The following CDHR3 variants were observed in gnomAD, a reference collection of about 807,000 sequenced individuals.
The protein encoded by CDHR3 is cadherin related family member 3, also known as cadherin-related family member 3.
A neutral mutation model predicts 86.6 loss-of-function variants in CDHR3; 79 were observed. The observed-to-expected ratio is 0.91, with a 90% CI of 0.76 to 1.10. The LOEUF (loss-of-function observed/expected upper bound fraction) is 1.10. Ranked by LOEUF, CDHR3 falls within the 50% of genes least tolerant of loss-of-function variation. CDHR3 has a pLI of 0.00. For missense variants in CDHR3, 1,081 were observed against 1,077.6 expected, an observed-to-expected ratio of 1.00 and a Z score of -0.04; for synonymous variants, 421 against 402.4, an observed-to-expected ratio of 1.05 and a Z score of -0.55.
chr7:106,027,805 A>C, intron 16 of CDHR3: 1 of 342,118 alleles, frequency 2.9e-6, no homozygotes, highest in Non-Finnish European at 5.9e-6. Context: ...AGATTTTCAC[A>C]AACTGTCTCT....
chr7:105,970,077 A>G (rs1031499450), intron 1 of CDHR3, among the ~76,000 whole-genome samples: 3 of 152,118 alleles, frequency 2.0e-5, no homozygotes, highest in African/African-American at 7.2e-5. Context: ...ATTAGGTACT[A>G]GAGAGAATGA....
chr7:106,020,626 C>T (rs1005766821), intron 13 of CDHR3, 82 bp downstream of exon 13: 10 of 1,454,518 alleles, frequency 6.9e-6, no homozygotes, highest in Non-Finnish European at 9.3e-6. Context: ...TGCTCACACA[C>T]TGATCTGGGC....
chr7:105,969,440 G>T (rs1238428560), intron 1 of CDHR3, among the ~76,000 whole-genome samples: 1 of 151,950 alleles, frequency 6.6e-6, no homozygotes, highest in African/African-American at 2.4e-5. Context: ...TGTAACCGTG[G>T]GTCCTAGGAG....
chr7:106,005,888 C>G (rs1833880085), intron 8 of CDHR3, among the ~76,000 whole-genome samples: 2 of 152,158 alleles, frequency 1.3e-5, no homozygotes, highest in South Asian at 2.1e-4. Context: ...CAGTCTCCAC[C>G]CTGCTCTGTG....
At chr7:105,981,540 T>A (rs1016956970) in intron 3 of CDHR3, among the ~76,000 whole-genome samples, 1 of 152,174 alleles carries the variant, frequency 6.6e-6, no homozygotes, top group African/African-American at 2.4e-5. Flanking sequence ...ATAGGGACAA[T>A]GTAAGGGACC....
In CDHR3 at chr7:106,030,872, CT is replaced by C; in HGVS notation, c.2353+37del. ...AAGTGGCAATACCACTGTAAGAATG[CT>C]TTTTATATTCCAGACTGGTAGAAGC... On this transcript the variant is annotated intron_variant, in intron 18 of 18. Coordinates refer to ENST00000317716, the MANE Select transcript of CDHR3 (RefSeq NM_152750.5). The surrounding 1 kb of genome is among the most constrained non-coding windows in gnomAD (Gnocchi z 4.8). The C allele has an allele frequency of 6.3e-7, 1 of 1,581,558 alleles. No homozygotes were observed. Among genetic ancestry groups the C allele is most frequent in the Non-Finnish European group, 8.6e-7 (1 of 1,156,308 alleles).
At chr7:105,965,575 C>CCCCCCCCCCCCA (rs1554507787) in intron 1 of CDHR3, among the ~76,000 whole-genome samples, 1 of 123,462 alleles carries the variant, frequency 8.1e-6, no homozygotes, top group African/African-American at 2.7e-5. Context: ...CCACCCCCCC[C>CCCCCCCCCCCCA]CATGGAGTCT....
intron 4 of CDHR3, among the ~76,000 whole-genome samples, chr7:105,993,501 C>A (rs1264717277): frequency 6.8e-6 from 1 of 147,360 alleles, no homozygotes; most frequent in African/African-American, 2.5e-5. Flanking sequence ...GAAACCCTGT[C>A]TCTACAAAAA....
chr7:106,012,111 A>G (rs1834899782), intron 8 of CDHR3, among the ~76,000 whole-genome samples: 1 of 152,190 alleles, frequency 6.6e-6, no homozygotes, highest in African/African-American at 2.4e-5. Flanking sequence ...TTATAAGTCT[A>G]TTGTTCATTC....
chr7:105,989,223 C>T (rs1830987745), intron 4 of CDHR3, among the ~76,000 whole-genome samples: 1 of 150,406 alleles, frequency 6.6e-6, no homozygotes, highest in South Asian at 2.1e-4. Flanking sequence ...CCCACCCCCC[C>T]ACCTCTTCTC....
intron 4 of CDHR3, among the ~76,000 whole-genome samples, chr7:105,986,992 G>A (rs1156492777): frequency 6.6e-6 from 1 of 152,132 alleles, no homozygotes; most frequent in East Asian, 1.9e-4. Flanking sequence ...AGAACCAGTG[G>A]GGGAAAAGTG....
At chr7:105,989,610 C>A (rs1455313108) in intron 4 of CDHR3, among the ~76,000 whole-genome samples, 2 of 152,038 alleles carry the variant, frequency 1.3e-5, no homozygotes, top group Non-Finnish European at 2.9e-5. Context: ...AAGTGGCAGC[C>A]AGTTGTGAGT....
rs201065251 is a variant in CDHR3, at chr7:106,032,603, G to T, written c.2564G>T (p.Gly855Val). Reference sequence around the variant, plus strand: ...GCGTGGGCTGAGGATGCTGGTCTGGGTTCCAGAAATGAGGGTGGCAAGCTG... The same window carrying T: ...GCGTGGGCTGAGGATGCTGGTCTGGTTTCCAGAAATGAGGGTGGCAAGCTG... The part of the protein sequence containing the change: ...GKAWAEDAGL[G>V]SRNEGGKLGN... Residue 855 changes from glycine to valine, a missense_variant, in exon 19 of 19, where the codon GGT becomes GTT. Coordinates refer to ENST00000317716, the MANE Select transcript of CDHR3 (RefSeq NM_152750.5). The T allele has an allele frequency of 9.3e-6, 15 of 1,613,844 alleles. No homozygotes were observed. Among genetic ancestry groups the T allele is most frequent in the Admixed American group, 1.7e-5 (1 of 59,994 alleles).
chr7:106,025,531 G>A (rs1421611620), intron 15 of CDHR3, among the ~76,000 whole-genome samples: 1 of 152,174 alleles, frequency 6.6e-6, no homozygotes, highest in East Asian at 1.9e-4. Flanking sequence ...AATGAGTTCA[G>A]GATTCTAGAT....
chr7:106,005,408 C>T (rs988315577), intron 8 of CDHR3, among the ~76,000 whole-genome samples: 1 of 152,224 alleles, frequency 6.6e-6, no homozygotes, highest in Non-Finnish European at 1.5e-5. Context: ...ATGATTAGTA[C>T]TTGCCCATAT....
At position 106,001,541 on chromosome 7, in the gene CDHR3, G is replaced by A; in HGVS notation, c.793G>A (p.Asp265Asn). ...CAATATCACAGCGGAGGATCCTGAT[G>A]ATGAAGGTTTTCCCAGCCACCTCCT... ...VANITAEDPDDEGFPSHLLYS... is the reference protein window; with the variant it reads ...VANITAEDPDNEGFPSHLLYS... The change falls in exon 7 of 19, where the codon GAT becomes AAT. Residue 265 changes from aspartate (D) to asparagine (N), a missense_variant. Transcript: ENST00000317716. 6.2e-7 allele frequency: 1 copy of A among 1,613,984 alleles called. No individual in the cohort carries two copies. Among genetic ancestry groups the A allele is most frequent in the Non-Finnish European group, 8.5e-7 (1 of 1,179,888 alleles).
chr7:106,010,817 A>G (rs186193577), intron 8 of CDHR3, among the ~76,000 whole-genome samples: 1 of 152,372 alleles, frequency 6.6e-6, no homozygotes, highest in African/African-American at 2.4e-5. Context: ...AAGTCATCAG[A>G]TCATGATGCA....
At chr7:106,021,321 A>G (rs1836531716) in intron 13 of CDHR3, among the ~76,000 whole-genome samples, 1 of 152,162 alleles carries the variant, frequency 6.6e-6, no homozygotes, top group Non-Finnish European at 1.5e-5. Context: ...CCGAGCAGGA[A>G]CTTGAACAGT....
rs1398033219 is a variant in CDHR3 at position 106,017,929 on chromosome 7, G to T, written c.1510G>T (p.Ala504Ser). 6.2e-7 allele frequency: 1 copy of T among 1,611,830 alleles called. No homozygotes were observed. Among genetic ancestry groups the T allele is most frequent in the East Asian group, 2.2e-5 (1 of 44,834 alleles). ...CCTGTACTCCATCTCCACTGGAGGG[G>T]CCAGCCTCCAGTATCCAAATGTATT... is the stretch of plus-strand genomic sequence containing the variant. ...SLLYSISTGG[A>S]SLQYPNVFWI... The change falls in exon 12 of 19, where the codon GCC becomes TCC. Residue 504 changes from alanine (A) to serine (S), a missense_variant. By Grantham distance (99) the Ala-to-Ser change is moderately conservative. Coordinates refer to ENST00000317716, the MANE Select transcript of CDHR3 (RefSeq NM_152750.5).
Sources: gnomAD v4.1 joint callset for allele counts (sites outside exome capture counted in the v4.1 genomes callset) on GRCh38, gnomAD v4.1.1 for gene constraint, Gnocchi (gnomAD v3.1) non-coding constraint, MANE v1.5 for transcripts, NCBI Gene and HGNC (gene_info 2026-07-23, HGNC 2026-07-21) for gene names.